The following HMHB1 variants were observed in gnomAD, a reference collection of about 807,000 sequenced individuals.
HMHB1 encodes the protein histocompatibility minor HB-1, also known as minor histocompatibility protein HB-1.
A neutral mutation model predicts 2.4 loss-of-function variants in HMHB1; 4 were observed. The observed-to-expected ratio is 1.65, with a 90% CI of 0.81 to 3.77. The LOEUF is 3.77. Among genes scored for constraint, HMHB1 ranks in the 30% most tolerant of loss-of-function variants. HMHB1 has a pLI of 0.01. For missense variants in HMHB1, 57 were observed against 44.2 expected (o/e 1.29, Z -0.82); for synonymous variants, 22 against 17.6 (o/e 1.25, Z -0.63).
Position 143,812,184 on chromosome 5 carries a change from G to A in HMHB1, c.-84G>A. On this transcript the variant is annotated 5_prime_UTR_variant, in exon 1 of 2. Coordinates refer to ENST00000289448, the MANE Select transcript of HMHB1 (RefSeq NM_021182.3). ...AACCACATCCCAGGAGGCCGAGGCGGCTTGCCCCGCATCTCAGAAGCCGGG... is the reference window on the plus strand; with the variant it reads ...AACCACATCCCAGGAGGCCGAGGCGACTTGCCCCGCATCTCAGAAGCCGGG... 2 of 1,316,698 alleles carry A rather than the reference G, an allele frequency of 1.5e-6. No homozygotes were observed. Among genetic ancestry groups the A allele is most frequent in the South Asian group, 1.3e-5 (1 of 77,302 alleles). The allele number at this position is 1,316,698 out of a possible 1,614,324, so 81.6% of individuals were successfully genotyped here. A position where few individuals can be genotyped will look rare whatever the true frequency, so the allele number is the denominator to read the frequency against.
intron 1 of HMHB1, among the ~76,000 whole-genome samples, chr5:143,815,775 C>T (rs1330760990): frequency 6.7e-6 from 1 of 149,706 alleles, no homozygotes; most frequent in South Asian, 2.1e-4. Flanking sequence ...GGCGCAATCT[C>T]GGCTCACTGC....
chr5:143,812,431 A>G, intron 1 of HMHB1, 127 bp downstream of exon 1: 1 of 864,068 alleles, frequency 1.2e-6, no homozygotes, highest in Non-Finnish European at 1.9e-6. Context: ...GGATGGCGGA[A>G]GGCAGGGGAG....
At chr5:143,818,570 T>C (rs1418443127) in intron 1 of HMHB1, among the ~76,000 whole-genome samples, 4 of 152,164 alleles carry the variant, frequency 2.6e-5, no homozygotes, top group Admixed American at 6.5e-5. Flanking sequence ...CCAAGCCCAA[T>C]AGCCCAAATG....
intron 1 of HMHB1, among the ~76,000 whole-genome samples, 162 bp from the exon 2 acceptor site, chr5:143,820,318 T>TTA (rs1224094703): frequency 2.5e-4 from 12 of 47,574 alleles, no homozygotes; most frequent in African/African-American, 8.4e-4. Context: ...TCATCATAAG[T>TTA]AAAAAAAAAA....
intron 1 of HMHB1, among the ~76,000 whole-genome samples, chr5:143,815,768 G>T (rs1348887408): frequency 2.0e-5 from 3 of 149,498 alleles, no homozygotes; most frequent in Non-Finnish European, 2.9e-5. Flanking sequence ...CTGCAGTGGC[G>T]CAATCTCGGC....
At position 143,820,647 on chromosome 5, in the gene HMHB1, G is replaced by T; in HGVS notation, c.*79G>T. On this transcript the variant is annotated 3_prime_UTR_variant, in exon 2 of 2. Coordinates refer to ENST00000289448, the MANE Select transcript of HMHB1 (RefSeq NM_021182.3). ...GACAAATTGCTGAGCATGAAGAAGAGTAAAATTAAGCAAGTGGAACATATG... is the reference window on the plus strand; with the variant it reads ...GACAAATTGCTGAGCATGAAGAAGATTAAAATTAAGCAAGTGGAACATATG... 1.1e-6 allele frequency: 1 copy of T among 895,894 alleles called. No individual in the cohort carries two copies. The highest frequency in any genetic ancestry group is 1.9e-6 in the Non-Finnish European group (1 of 535,610). The allele number at this position is 895,894 out of a possible 1,614,324, so 55.5% of individuals were successfully genotyped here. A position where few individuals can be genotyped will look rare whatever the true frequency, so the allele number is the denominator to read the frequency against.
Position 143,820,361 on chromosome 5 carries a change from CA to C in HMHB1, c.38-115del. 4 of 123,610 alleles carry C rather than the reference CA, an allele frequency of 3.2e-5. 1 individual carries two copies. Among genetic ancestry groups the C allele is most frequent in the Non-Finnish European group, 3.2e-5 (2 of 62,048 alleles). 7.7% of individuals were successfully genotyped at this position (123,610 alleles called of 1,614,324 possible). The stretch of plus-strand genomic sequence containing the variant: ...AAAAAAAAAAAAAAACAGAACAAAA[CA>C]AAACTAAAAAGCTAACACAAGTCCT... On this transcript the variant is annotated intron_variant, in intron 1 of 1. Transcript: ENST00000289448.
At position 143,815,873 on chromosome 5, in the gene HMHB1, A is replaced by AT. The variant is rs575668185; in HGVS notation, c.37+3575dup. On this transcript the variant is annotated intron_variant, in intron 1 of 1. Transcript: ENST00000289448. ...AGGCGCCCGCTACCGCACCCGGCTA[A>AT]TTTTTTGTATTTTTAGTAGAGACGG... Among the ~76,000 whole-genome samples the AT allele has an allele frequency of 1.2e-4, 18 of 150,458 alleles. No homozygotes were observed. In the South Asian group the frequency reaches 1.5e-3, roughly 12 times the overall value.
intron 1 of HMHB1, among the ~76,000 whole-genome samples, chr5:143,817,771 T>G (rs990784901): frequency 6.6e-6 from 1 of 152,180 alleles, no homozygotes; most frequent in African/African-American, 2.4e-5. Context: ...GGGGATGGTG[T>G]TGAATTTGTA....
intron 1 of HMHB1, among the ~76,000 whole-genome samples, chr5:143,815,702 A>AT (rs570778720): frequency 0.075 from 5,662 of 75,706 alleles, 245 homozygotes; most frequent in African/African-American, 0.15. Flanking sequence ...TAATTTTTGT[A>AT]TTTTTTTTTT....
Position 143,812,323 on chromosome 5 carries a change from G to A in HMHB1, c.37+19G>A. ...AAAAGAGGTGAGGGAGCGAGGAGGA[G>A]GGAGAACAGAGAGAGAGGGAAAGAG... On this transcript the variant is annotated intron_variant, in intron 1 of 1. Transcript: ENST00000289448. 6.4e-7 allele frequency: 1 copy of A among 1,550,556 alleles called. No individual in the cohort carries two copies. Among genetic ancestry groups the A allele is most frequent in the Non-Finnish European group, 8.7e-7 (1 of 1,145,938 alleles).
intron 1 of HMHB1, among the ~76,000 whole-genome samples, chr5:143,819,528 G>A (rs999387830): frequency 2.2e-4 from 34 of 151,814 alleles, no homozygotes; most frequent in Admixed American, 1.8e-3. Flanking sequence ...CCAGCTACTC[G>A]GGAGGCTGAG....
chr5:143,817,196 G>T (rs1055196212), intron 1 of HMHB1, among the ~76,000 whole-genome samples: 4 of 152,112 alleles, frequency 2.6e-5, no homozygotes, highest in African/African-American at 9.7e-5. Context: ...CTGCGTAAAA[G>T]CTCTTTAGTT....
rs146546611 is a variant in HMHB1, at chr5:143,813,667, T to C, written c.37+1363T>C. Among the ~76,000 whole-genome samples the C allele has an allele frequency of 2.1e-3, 315 of 152,320 alleles. 1 individual carries two copies. The highest frequency in any genetic ancestry group is 7.3e-3 in the African/African-American group (303 of 41,586). On this transcript the variant is annotated intron_variant, in intron 1 of 1. Coordinates refer to ENST00000289448, the MANE Select transcript of HMHB1 (RefSeq NM_021182.3). ...CATATTTTTTTTTATTGGTGAGAGA[T>C]AAAGTAAATGGCATGTGGATTTCCT...
chr5:143,816,539 C>G (rs1005798901), intron 1 of HMHB1, among the ~76,000 whole-genome samples: 1 of 152,148 alleles, frequency 6.6e-6, no homozygotes, highest in African/African-American at 2.4e-5. Context: ...TTAATTAATT[C>G]CTTTTTATGG....
intron 1 of HMHB1, among the ~76,000 whole-genome samples, chr5:143,813,638 A>C (rs1759716374): frequency 6.6e-6 from 1 of 152,216 alleles, no homozygotes; most frequent in African/African-American, 2.4e-5. Flanking sequence ...TCTCATGAGC[A>C]GTCCATATTT....
At chr5:143,812,714 A>G (rs1759705607) in intron 1 of HMHB1, among the ~76,000 whole-genome samples, 1 of 152,124 alleles carries the variant, frequency 6.6e-6, no homozygotes, top group Non-Finnish European at 1.5e-5. Context: ...CAGCCCAGAG[A>G]CCAGACCCGT....
At chr5:143,816,561 T>G (rs2126793531) in intron 1 of HMHB1, among the ~76,000 whole-genome samples, 1 of 152,332 alleles carries the variant, frequency 6.6e-6, no homozygotes, top group South Asian at 2.1e-4. Flanking sequence ...TGAGTAGTAT[T>G]CCATTGTATA....
At chr5:143,812,969 G>GT (rs3838658) in intron 1 of HMHB1, among the ~76,000 whole-genome samples, 1 of 151,852 alleles carries the variant, frequency 6.6e-6, no homozygotes, top group South Asian at 2.1e-4. Context: ...TTGTTTGTTT[G>GT]TTTTTTTGTC....
Sources: allele counts gnomAD v4.1 joint callset (sites outside exome capture counted in the v4.1 genomes callset), GRCh38; gene constraint gnomAD v4.1.1; transcripts MANE v1.5; gene names NCBI Gene and HGNC (gene_info 2026-07-23, HGNC 2026-07-21).